DPYSL5: variants seen among roughly 807,000 people sequenced by gnomAD.
DPYSL5 encodes dihydropyrimidinase-related protein 5.
In DPYSL5, 9 loss-of-function variants were observed where a neutral mutation model predicts 58.4. That is an observed-to-expected ratio of 0.15 (90% CI 0.09 to 0.27). The LOEUF is 0.27. Ranked by LOEUF, DPYSL5 falls within the 10% of genes least tolerant of loss-of-function variation. The pLI, the probability that DPYSL5 is intolerant of heterozygous loss-of-function variation, is 1.00. For synonymous variants in DPYSL5, 293 were observed against 301.9 expected, an observed-to-expected ratio of 0.97 and a Z score of 0.31; for missense variants, 499 against 770.6, an observed-to-expected ratio of 0.65 and a Z score of 4.17.
chr2:26,881,585 G>A (rs753283371), intron 1 of DPYSL5, among the ~76,000 whole-genome samples: 9 of 152,298 alleles, frequency 5.9e-5, no homozygotes, highest in South Asian at 2.1e-4. Context: ...AAAGACAGCC[G>A]GCAGGAGCAG....
chr2:26,872,074 GC>G (rs1663274954), intron 1 of DPYSL5, among the ~76,000 whole-genome samples: 1 of 152,186 alleles, frequency 6.6e-6, no homozygotes, highest in Non-Finnish European at 1.5e-5. Context: ...AAAGGGAACT[GC>G]CTCCTCACTC....
intron 1 of DPYSL5, among the ~76,000 whole-genome samples, chr2:26,858,659 G>C (rs1223509505): frequency 6.6e-6 from 1 of 151,214 alleles, no homozygotes; most frequent in Non-Finnish European, 1.5e-5. Context: ...GATTTCCCAG[G>C]CTCAAGCAAT....
rs529947082 is a variant in DPYSL5 at position 26,934,954 on chromosome 2, G to A, written c.947+220G>A. Among the ~76,000 whole-genome samples, 1 of 152,192 alleles carries A rather than the reference G, an allele frequency of 6.6e-6. No homozygotes were observed. On this transcript the variant is annotated intron_variant, in intron 8 of 12. Transcript: ENST00000288699. This position sits in a 1 kb window ranked among gnomAD's most constrained non-coding sequence, Gnocchi z 4.3. ...ATCTTCTGAAGTATAAGAGTGAAGAGCACATATAGAACTGTGAACCGTGGT... is the reference window on the plus strand; with the variant it reads ...ATCTTCTGAAGTATAAGAGTGAAGAACACATATAGAACTGTGAACCGTGGT...
intron 8 of DPYSL5, among the ~76,000 whole-genome samples, chr2:26,937,167 A>G (rs1364502635): frequency 6.6e-6 from 1 of 152,046 alleles, no homozygotes; most frequent in Non-Finnish European, 1.5e-5. Context: ...GCCCAAACCC[A>G]CACAAATTCA....
intron 1 of DPYSL5, among the ~76,000 whole-genome samples, chr2:26,891,147 GTTC>G (rs1398339103): frequency 6.6e-6 from 1 of 152,058 alleles, no homozygotes; most frequent in East Asian, 1.9e-4. Context: ...TAAGCTTCAG[GTTC>G]TTCTTGGTAA....
chr2:26,923,266 G>A (rs1258749311), intron 2 of DPYSL5, among the ~76,000 whole-genome samples: 1 of 152,198 alleles, frequency 6.6e-6, no homozygotes, highest in Non-Finnish European at 1.5e-5. Context: ...AGGAGTTTGA[G>A]GCTGCAGTGT....
intron 1 of DPYSL5, among the ~76,000 whole-genome samples, chr2:26,882,778 T>C (rs1663606980): frequency 6.6e-6 from 1 of 151,752 alleles, no homozygotes; most frequent in South Asian, 2.1e-4. Context: ...CCAGAGGTGG[T>C]GGGGTGCACC....
At chr2:26,854,825 TC>T (rs999516345) in intron 1 of DPYSL5, among the ~76,000 whole-genome samples, 4 of 152,010 alleles carry the variant, frequency 2.6e-5, no homozygotes, top group Non-Finnish European at 4.4e-5. Flanking sequence ...CTTTTTCTTT[TC>T]CTTTCTTTTT....
chr2:26,867,084 G>C (rs1038003266), intron 1 of DPYSL5, among the ~76,000 whole-genome samples: 5 of 151,750 alleles, frequency 3.3e-5, no homozygotes, highest in African/African-American at 1.2e-4. Context: ...AACACCACCC[G>C]TTCACCCTTA....
chr2:26,861,699 C>A (rs1289867323), intron 1 of DPYSL5, among the ~76,000 whole-genome samples: 1 of 152,138 alleles, frequency 6.6e-6, no homozygotes, highest in Non-Finnish European at 1.5e-5. Context: ...TACTTGTGGA[C>A]ATGTTTTCTC....
intron 2 of DPYSL5, among the ~76,000 whole-genome samples, chr2:26,899,202 C>G (rs974318318): frequency 6.6e-6 from 1 of 152,114 alleles, no homozygotes; most frequent in Admixed American, 6.6e-5. Context: ...GCTTCTATTA[C>G]CTCTCCTAGC....
At chr2:26,902,739 CA>C (rs751512342) in intron 2 of DPYSL5, among the ~76,000 whole-genome samples, 250 of 152,264 alleles carry the variant, frequency 1.6e-3, no homozygotes, top group Non-Finnish European at 3.3e-3. Context: ...CAAGATGAGA[CA>C]GGAGGTCGGC....
At chr2:26,859,364 T>C (rs552371781) in intron 1 of DPYSL5, among the ~76,000 whole-genome samples, 1 of 152,116 alleles carries the variant, frequency 6.6e-6, no homozygotes, top group Non-Finnish European at 1.5e-5. Flanking sequence ...TTTTTTTTTT[T>C]CCAAATGTTT....
At chr2:26,851,722 C>T (rs1665760931) in intron 1 of DPYSL5, among the ~76,000 whole-genome samples, 1 of 152,132 alleles carries the variant, frequency 6.6e-6, no homozygotes, top group Admixed American at 6.5e-5. Flanking sequence ...ACAGGAGGAT[C>T]ACTTGAGGTC....
At chr2:26,908,584 A>G (rs1664358330) in intron 2 of DPYSL5, among the ~76,000 whole-genome samples, 1 of 152,246 alleles carries the variant, frequency 6.6e-6, no homozygotes, top group African/African-American at 2.4e-5. Context: ...GGTATTGGGA[A>G]AAAACCTCCT....
chr2:26,858,413 T>C (rs1421057167), intron 1 of DPYSL5, among the ~76,000 whole-genome samples: 7 of 152,106 alleles, frequency 4.6e-5, no homozygotes, highest in Non-Finnish European at 1.0e-4. Flanking sequence ...CCTCGTGATC[T>C]GCCCGCCTCG....
chr2:26,870,011 AAAAC>A (rs1363326840), intron 1 of DPYSL5, among the ~76,000 whole-genome samples: 7 of 152,316 alleles, frequency 4.6e-5, no homozygotes, highest in African/African-American at 1.7e-4. Flanking sequence ...ACTTCGTCTC[AAAAC>A]AAACAAACAA....
chr2:26,883,942 G>A (rs1226719426), intron 1 of DPYSL5, among the ~76,000 whole-genome samples: 1 of 152,174 alleles, frequency 6.6e-6, no homozygotes, highest in African/African-American at 2.4e-5. Flanking sequence ...GTCTCCAGCT[G>A]AGAAGAGCCC....
intron 1 of DPYSL5, among the ~76,000 whole-genome samples, chr2:26,859,118 G>T (rs572439797): frequency 9.2e-5 from 14 of 152,080 alleles, no homozygotes; most frequent in African/African-American, 3.4e-4. Flanking sequence ...CTTTTAAATG[G>T]CAGTCTTCAG....
Sources: gnomAD v4.1 joint callset for allele counts (sites outside exome capture counted in the v4.1 genomes callset) on GRCh38, gnomAD v4.1.1 for gene constraint, Gnocchi (gnomAD v3.1) non-coding constraint, MANE v1.5 for transcripts, NCBI Gene and HGNC (gene_info 2026-07-23, HGNC 2026-07-21) for gene names.